RBFOX1: variants seen among roughly 807,000 people sequenced by gnomAD.
The protein encoded by RBFOX1 is RNA binding fox-1 homolog 1.
Under a neutral mutation model 57.7 loss-of-function variants are expected in RBFOX1, and 8 were observed. That is an observed-to-expected ratio of 0.14 (90% CI 0.08 to 0.25). The LOEUF (loss-of-function observed/expected upper bound fraction) is 0.25. Ranked by LOEUF, RBFOX1 falls within the 10% of genes least tolerant of loss-of-function variation. The pLI, the probability that RBFOX1 is intolerant of heterozygous loss-of-function variation, is 1.00. For missense variants in RBFOX1, 611 were observed against 548.5 expected (o/e 1.11, Z -1.14); for synonymous variants, 326 against 222.4 (o/e 1.47, Z -4.15).
chr16:7,565,935 G>A (rs756953112), intron 5 of RBFOX1, among the ~76,000 whole-genome samples: 15 of 152,174 alleles, frequency 9.9e-5, no homozygotes, highest in Middle Eastern at 3.4e-3. Flanking sequence ...TGAATTTGGG[G>A]ATGCTCGTGG....
chr16:5,719,480 G>A (rs955023674), intron 3 of RBFOX1, among the ~76,000 whole-genome samples: 2 of 151,884 alleles, frequency 1.3e-5, no homozygotes, highest in Non-Finnish European at 2.9e-5. Flanking sequence ...AAAGTGCTGG[G>A]ATTGCAGGCA....
At chr16:6,786,539 C>T (rs1004584590) in intron 3 of RBFOX1, among the ~76,000 whole-genome samples, 1 of 152,048 alleles carries the variant, frequency 6.6e-6, no homozygotes, top group African/African-American at 2.4e-5. Context: ...TTCAGAGATC[C>T]TGGAAAGGAA....
intron 2 of RBFOX1, among the ~76,000 whole-genome samples, chr16:6,514,912 G>T (rs1052319381): frequency 2.6e-5 from 4 of 152,100 alleles, no homozygotes; most frequent in Admixed American, 1.3e-4. Flanking sequence ...AAGAGGGAGA[G>T]AAAAGGGGAG....
chr16:6,755,294 G>C lies in RBFOX1; in HGVS notation c.-16+100644G>C, dbSNP rs144059493. 9.2e-5 allele frequency among the ~76,000 whole-genome samples: 14 copies of C among 152,218 alleles called. No homozygotes were observed. In the East Asian group the frequency reaches 2.7e-3, roughly 29 times the overall value. On this transcript the variant is annotated intron_variant, in intron 3 of 15. Coordinates refer to ENST00000550418, the MANE Select transcript of RBFOX1 (RefSeq NM_018723.4). ...AATCGCCACACCGACTTCCACAATG[G>C]TTGAACTAGTTTACAGTCCCACCAA...
chr16:7,034,073 G>A (rs1248962000), intron 3 of RBFOX1, among the ~76,000 whole-genome samples: 4 of 152,132 alleles, frequency 2.6e-5, no homozygotes, highest in Non-Finnish European at 5.9e-5. Flanking sequence ...GGATGGGGAC[G>A]CGGTGGTGCA....
chr16:6,734,450 A>G (rs12926068), intron 3 of RBFOX1, among the ~76,000 whole-genome samples: 43,022 of 152,138 alleles, frequency 0.28, 6,910 homozygotes, highest in East Asian at 0.56. Flanking sequence ...TTTAATCCTC[A>G]TGATAAAGGT....
chr16:5,447,444 G>A (rs1201978824), intron 1 of RBFOX1, among the ~76,000 whole-genome samples: 4 of 148,876 alleles, frequency 2.7e-5, no homozygotes, highest in Non-Finnish European at 5.9e-5. Context: ...ATGCTGGAGT[G>A]CAGTGGCATG....
At chr16:7,569,036 T>C (rs985134138) in intron 5 of RBFOX1, among the ~76,000 whole-genome samples, 2 of 152,086 alleles carry the variant, frequency 1.3e-5, no homozygotes, top group Non-Finnish European at 2.9e-5. Context: ...TAGGGAAGAC[T>C]TTCTTTCTCT....
chr16:5,245,485 G>A (rs1292716043), intron 1 of RBFOX1, among the ~76,000 whole-genome samples: 1 of 152,230 alleles, frequency 6.6e-6, no homozygotes, highest in Non-Finnish European at 1.5e-5. Context: ...TGGGATGAGA[G>A]TGGAGACAGA....
intron 4 of RBFOX1, among the ~76,000 whole-genome samples, chr16:7,053,039 A>C (rs1366488718): frequency 6.6e-6 from 1 of 152,218 alleles, no homozygotes; most frequent in African/African-American, 2.4e-5. Context: ...AAATAAGCAT[A>C]ATGTATTTAA....
At chr16:7,127,357 A>G (rs146361598) in intron 4 of RBFOX1, among the ~76,000 whole-genome samples, 26 of 152,316 alleles carry the variant, frequency 1.7e-4, no homozygotes, top group African/African-American at 5.1e-4. Flanking sequence ...GTCTGGTTAT[A>G]AGCATTTTGT....
At chr16:7,016,181 T>C (rs1383110505) in intron 3 of RBFOX1, among the ~76,000 whole-genome samples, 1 of 152,146 alleles carries the variant, frequency 6.6e-6, no homozygotes, top group East Asian at 1.9e-4. Flanking sequence ...GCGGTGAATT[T>C]GAAGTCCTTT....
Position 7,281,948 on chromosome 16 carries a change from C to T in RBFOX1, c.27+229850C>T, listed in dbSNP as rs146063081. ...TGGCACAATTATAGCTCACTGCAAC[C>T]TCTACCTCCTGGGCTCCAGCAATCC... On this transcript the variant is annotated intron_variant, in intron 4 of 15. Coordinates refer to ENST00000550418, the MANE Select transcript of RBFOX1 (RefSeq NM_018723.4). Among the ~76,000 whole-genome samples, 493 of 152,298 alleles carry T rather than the reference C, an allele frequency of 3.2e-3. 1 individual carries two copies. Among genetic ancestry groups the T allele is most frequent in the Non-Finnish European group, 5.3e-3 (359 of 68,026 alleles).
chr16:7,230,528 A>G (rs992423466), intron 4 of RBFOX1, among the ~76,000 whole-genome samples: 11 of 152,110 alleles, frequency 7.2e-5, no homozygotes, highest in Non-Finnish European at 1.5e-4. Context: ...GCACTGCTTG[A>G]CAGATTCAGC....
intron 1 of RBFOX1, among the ~76,000 whole-genome samples, chr16:6,297,624 G>A (rs143922106): frequency 6.6e-6 from 1 of 152,070 alleles, no homozygotes; most frequent in Non-Finnish European, 1.5e-5. Context: ...GGATACTTGT[G>A]GCCTTAAATA....
In RBFOX1 at chr16:6,970,875, G is replaced by C. The variant is rs541240829; in HGVS notation, c.-15-81182G>C. On this transcript the variant is annotated intron_variant, in intron 3 of 15. Coordinates refer to ENST00000550418, the MANE Select transcript of RBFOX1 (RefSeq NM_018723.4). The stretch of plus-strand genomic sequence containing the variant: ...AAGAAAGAAGGCTGTGCTAGTAAGA[G>C]ACAACTGCAGTAAGGCTCAAAGACC... Among the ~76,000 whole-genome samples, 5 of 152,274 alleles carry C rather than the reference G, an allele frequency of 3.3e-5. No homozygotes were observed. In the East Asian group the frequency reaches 9.7e-4, roughly 29 times the overall value.
chr16:7,093,521 A>T (rs1404442409), intron 4 of RBFOX1, among the ~76,000 whole-genome samples: 2 of 152,180 alleles, frequency 1.3e-5, no homozygotes, highest in African/African-American at 4.8e-5. Flanking sequence ...AGAGGTACCC[A>T]CTTATCCAGA....
chr16:6,616,865 G>C (rs551303802), intron 2 of RBFOX1, among the ~76,000 whole-genome samples: 1 of 152,170 alleles, frequency 6.6e-6, no homozygotes, highest in Non-Finnish European at 1.5e-5. Flanking sequence ...GCCACCTCTA[G>C]CCTCTGTCTG....
At chr16:7,624,085 T>C (rs1327663536) in intron 10 of RBFOX1, among the ~76,000 whole-genome samples, 1 of 152,138 alleles carries the variant, frequency 6.6e-6, no homozygotes, top group Non-Finnish European at 1.5e-5. Flanking sequence ...GTTGGTAAGG[T>C]TTTTGGTAAA....
Sources: gnomAD v4.1 joint callset for allele counts (sites outside exome capture counted in the v4.1 genomes callset) on GRCh38, gnomAD v4.1.1 for gene constraint, MANE v1.5 for transcripts, NCBI Gene and HGNC (gene_info 2026-07-23, HGNC 2026-07-21) for gene names.